TMEM117: variants seen among roughly 807,000 people sequenced by gnomAD.
TMEM117 encodes transmembrane protein 117.
TMEM117 carries 27 observed loss-of-function variants against 52.4 expected under a neutral mutation model. The observed-to-expected ratio is 0.51, with a 90% CI of 0.38 to 0.71. The LOEUF is 0.71. Ranked by LOEUF, TMEM117 falls within the 30% of genes least tolerant of loss-of-function variation. TMEM117 has a pLI of 0.00. For missense variants in TMEM117, 556 were observed against 630.5 expected (o/e 0.88, Z 1.26); for synonymous variants, 215 against 206.3 (o/e 1.04, Z -0.36).
intron 5 of TMEM117, among the ~76,000 whole-genome samples, chr12:44,221,086 C>T (rs1370383748): frequency 6.6e-6 from 1 of 152,090 alleles, no homozygotes; most frequent in Non-Finnish European, 1.5e-5. Flanking sequence ...AGTAGCTTTA[C>T]AGTAGAGAAA....
At chr12:44,153,899 G>A (rs189222906) in intron 4 of TMEM117, among the ~76,000 whole-genome samples, 14 of 152,124 alleles carry the variant, frequency 9.2e-5, no homozygotes, top group African/African-American at 3.1e-4. Flanking sequence ...TATGTTTCAA[G>A]AGATTAAAGT....
chr12:44,211,373 G>A lies in TMEM117; in HGVS notation c.594G>A (p.Arg198=), dbSNP rs1949642979. ...ARAFWKKGNV[R]ITLFWTVLFT... ...CTTTCTGGAAGAAAGGAAATGTTAGGATCACTTTATTCTGGTAGGAAATTG... is the reference window on the plus strand; with the variant it reads ...CTTTCTGGAAGAAAGGAAATGTTAGAATCACTTTATTCTGGTAGGAAATTG... The change falls in exon 5 of 8, where the codon AGG becomes AGA. Residue 198 remains arginine (R), a synonymous_variant. Coordinates refer to ENST00000266534, the MANE Select transcript of TMEM117 (RefSeq NM_032256.3). 1.9e-6 allele frequency: 3 copies of A among 1,609,566 alleles called. No homozygotes were observed. The highest frequency in any genetic ancestry group is 2.5e-6 in the Non-Finnish European group (3 of 1,177,258).
At chr12:44,362,116 T>C (rs934880368) in intron 6 of TMEM117, among the ~76,000 whole-genome samples, 1 of 152,100 alleles carries the variant, frequency 6.6e-6, no homozygotes, top group African/African-American at 2.4e-5. Flanking sequence ...CCCTCTGTTA[T>C]TTCTTTTCTC....
chr12:43,812,068 A>G, the TMEM117 span, among the ~76,000 whole-genome samples: 3 of 152,176 alleles, frequency 2.0e-5, no homozygotes, highest in African/African-American at 4.8e-5. Context: ...TCCAAAAAGT[A>G]TTCACCATCT....
chr12:43,802,796 CTTAAG>C, the TMEM117 span, among the ~76,000 whole-genome samples: 3 of 152,188 alleles, frequency 2.0e-5, no homozygotes, highest in East Asian at 3.9e-4. Context: ...AATGTCTGAG[CTTAAG>C]TTATCAACAA....
chr12:43,992,923 G>A (rs1224771714), intron 3 of TMEM117, among the ~76,000 whole-genome samples: 1 of 152,100 alleles, frequency 6.6e-6, no homozygotes, highest in Non-Finnish European at 1.5e-5. Context: ...TTGTTCACTG[G>A]TATTTCCCCA....
At chr12:44,131,043 A>G (rs1200882318) in intron 3 of TMEM117, among the ~76,000 whole-genome samples, 1 of 152,012 alleles carries the variant, frequency 6.6e-6, no homozygotes, top group Non-Finnish European at 1.5e-5. Flanking sequence ...AAAAACTTAT[A>G]TATTTCTCTC....
chr12:43,899,493 A>T (rs1944269286), intron 2 of TMEM117, among the ~76,000 whole-genome samples: 1 of 152,220 alleles, frequency 6.6e-6, no homozygotes, highest in Non-Finnish European at 1.5e-5. Flanking sequence ...TCCTATCATG[A>T]TCATTCTGAA....
chr12:43,994,607 G>A (rs971877911), intron 3 of TMEM117, among the ~76,000 whole-genome samples: 3 of 151,972 alleles, frequency 2.0e-5, no homozygotes, highest in Non-Finnish European at 4.4e-5. Flanking sequence ...TAGTTACATG[G>A]TCCAAACATT....
intron 2 of TMEM117, among the ~76,000 whole-genome samples, chr12:43,847,172 G>A (rs1409542404): frequency 6.6e-6 from 1 of 152,196 alleles, no homozygotes; most frequent in African/African-American, 2.4e-5. Flanking sequence ...CTAGATTAAA[G>A]TGGAGATAAA....
intron 2 of TMEM117, among the ~76,000 whole-genome samples, chr12:43,931,095 A>G (rs963242082): frequency 6.6e-6 from 1 of 152,244 alleles, no homozygotes; most frequent in Non-Finnish European, 1.5e-5. Flanking sequence ...ATCACTCAAA[A>G]GGAACACAGG....
intron 2 of TMEM117, among the ~76,000 whole-genome samples, chr12:43,864,911 G>A (rs1347971107): frequency 6.6e-6 from 1 of 152,150 alleles, no homozygotes; most frequent in Non-Finnish European, 1.5e-5. Flanking sequence ...AAGGTCTGCA[G>A]CTTCACTCCT....
the TMEM117 span, among the ~76,000 whole-genome samples, chr12:44,398,163 CAA>C: frequency 6.7e-6 from 1 of 149,900 alleles, no homozygotes; most frequent in African/African-American, 2.4e-5. Flanking sequence ...AGCCTGAAAA[CAA>C]ATAAATCTGG....
At chr12:44,311,504 A>G (rs1188257741) in intron 6 of TMEM117, among the ~76,000 whole-genome samples, 2 of 150,928 alleles carry the variant, frequency 1.3e-5, no homozygotes, top group Non-Finnish European at 3.0e-5. Context: ...CAAACTGGAG[A>G]AGCTCAGGAA....
At chr12:44,329,237 G>A (rs1451839840) in intron 6 of TMEM117, among the ~76,000 whole-genome samples, 1 of 152,090 alleles carries the variant, frequency 6.6e-6, no homozygotes, top group Non-Finnish European at 1.5e-5. Flanking sequence ...AGGCTCAGCA[G>A]CAATAGGTGT....
chr12:44,195,207 C>T (rs1303773029), intron 4 of TMEM117, among the ~76,000 whole-genome samples: 1 of 152,160 alleles, frequency 6.6e-6, no homozygotes, highest in Non-Finnish European at 1.5e-5. Context: ...CCAGCTCATT[C>T]AGCTTGTTGG....
At chr12:44,327,466 T>C (rs992282078) in intron 6 of TMEM117, among the ~76,000 whole-genome samples, 1 of 152,218 alleles carries the variant, frequency 6.6e-6, no homozygotes, top group Non-Finnish European at 1.5e-5. Context: ...ATTGGTGTTA[T>C]ACAGTATGTT....
At chr12:44,166,065 G>A (rs76021940) in intron 4 of TMEM117, among the ~76,000 whole-genome samples, 2,364 of 152,180 alleles carry the variant, frequency 0.016, 44 homozygotes, top group African/African-American at 0.035. Flanking sequence ...AATCAATAAC[G>A]TGAACTTTAC....
chr12:44,250,914 T>C (rs773371932), intron 5 of TMEM117, among the ~76,000 whole-genome samples: 1 of 152,160 alleles, frequency 6.6e-6, no homozygotes, highest in South Asian at 2.1e-4. Context: ...GGATGACAGG[T>C]TGATAGGTGC....
Sources: allele counts gnomAD v4.1 joint callset (sites outside exome capture counted in the v4.1 genomes callset), GRCh38; gene constraint gnomAD v4.1.1; transcripts MANE v1.5; gene names NCBI Gene and HGNC (gene_info 2026-07-23, HGNC 2026-07-21).